GALNT13: variants seen among roughly 807,000 people sequenced by gnomAD.
The protein encoded by GALNT13 is UDP-GalNAc:polypeptide N-acetylgalactosaminyltransferase 13.
GALNT13 carries 28 observed loss-of-function variants against 64.2 expected under a neutral mutation model. That is an observed-to-expected ratio of 0.44 (90% CI 0.32 to 0.60). The LOEUF (loss-of-function observed/expected upper bound fraction) is 0.60, where lower values mean the gene tolerates loss of function less well. GALNT13 is among the 20% of genes least tolerant of loss of function. The probability of loss-of-function intolerance (pLI) is 0.05; values close to 1 mark genes in which losing one functional copy is unlikely to be tolerated. For synonymous variants in GALNT13, 214 were observed against 224.6 expected, an observed-to-expected ratio of 0.95 and a Z score of 0.42; for missense variants, 577 against 669.8, an observed-to-expected ratio of 0.86 and a Z score of 1.53.
chr2:154,044,249 GAAGT>G (rs1319906569), intron 3 of GALNT13, among the ~76,000 whole-genome samples: 1 of 152,106 alleles, frequency 6.6e-6, no homozygotes, highest in Non-Finnish European at 1.5e-5. Flanking sequence ...CCAAGCCATA[GAAGT>G]AAGAACTAAT....
intron 4 of GALNT13, among the ~76,000 whole-genome samples, chr2:154,219,273 G>A (rs751618540): frequency 3.0e-4 from 46 of 152,090 alleles, no homozygotes; most frequent in Middle Eastern, 6.8e-3. Context: ...TTCTTATGAG[G>A]TAGGTGTTAT....
chr2:153,512,761 A>G, the GALNT13 span, among the ~76,000 whole-genome samples: 1 of 151,184 alleles, frequency 6.6e-6, no homozygotes, highest in Non-Finnish European at 1.5e-5. Context: ...TTGAGGGGTA[A>G]AAAAGATTAT....
the GALNT13 span, among the ~76,000 whole-genome samples, chr2:153,864,459 CTGTT>C: frequency 4.7e-3 from 717 of 152,232 alleles, 4 homozygotes; most frequent in African/African-American, 0.015. Context: ...ATTTGGCTCT[CTGTT>C]TGTGTGTTGT....
the GALNT13 span, among the ~76,000 whole-genome samples, chr2:153,785,419 T>C: frequency 6.6e-5 from 10 of 152,306 alleles, no homozygotes; most frequent in East Asian, 1.5e-3. Flanking sequence ...TCACTGTTGA[T>C]ATAGCCTTTA....
chr2:153,654,476 G>A, the GALNT13 span, among the ~76,000 whole-genome samples: 422 of 152,084 alleles, frequency 2.8e-3, 1 homozygote, highest in South Asian at 8.5e-3. Context: ...ATTTGTGGGT[G>A]AAGTATTTAT....
the GALNT13 span, among the ~76,000 whole-genome samples, chr2:153,108,706 T>TAAAAGAAGTTGTAGTATC: frequency 6.6e-6 from 1 of 152,194 alleles, no homozygotes; most frequent in South Asian, 2.1e-4. Flanking sequence ...TCCCAAATGT[T>TAAAAGAAGTTGTAGTATC]AAAAGAAGTT....
At chr2:153,760,926 G>A in the GALNT13 span, among the ~76,000 whole-genome samples, 1 of 152,068 alleles carries the variant, frequency 6.6e-6, no homozygotes, top group Admixed American at 6.5e-5. Flanking sequence ...GGTGTATTAT[G>A]TATTTACACT....
At chr2:153,437,333 C>A in the GALNT13 span, among the ~76,000 whole-genome samples, 2 of 152,118 alleles carry the variant, frequency 1.3e-5, no homozygotes, top group African/African-American at 4.8e-5. Context: ...CTGTAGATGT[C>A]TATTGGGTCC....
At chr2:153,080,910 C>A in the GALNT13 span, among the ~76,000 whole-genome samples, 1 of 151,546 alleles carries the variant, frequency 6.6e-6, no homozygotes, top group Non-Finnish European at 1.5e-5. Flanking sequence ...TGAATTCTTC[C>A]TTTTCAAATA....
chr2:153,665,364 T>C, the GALNT13 span, among the ~76,000 whole-genome samples: 1 of 152,100 alleles, frequency 6.6e-6, no homozygotes, highest in South Asian at 2.1e-4. Context: ...AAAGAGAAAG[T>C]AGAATGGGTA....
the GALNT13 span, among the ~76,000 whole-genome samples, chr2:153,341,766 T>G: frequency 1.3e-5 from 2 of 152,120 alleles, no homozygotes; most frequent in African/African-American, 4.8e-5. Context: ...AGGTAAAAAA[T>G]ATAATTGTTA....
the GALNT13 span, among the ~76,000 whole-genome samples, chr2:153,616,418 T>C: frequency 2.0e-5 from 3 of 152,050 alleles, no homozygotes; most frequent in South Asian, 2.1e-4. Flanking sequence ...CTGTGTCTTA[T>C]GTGGTTCCAT....
the GALNT13 span, among the ~76,000 whole-genome samples, chr2:153,554,160 CA>C: frequency 0.18 from 21,092 of 115,090 alleles, 1,515 homozygotes; most frequent in South Asian, 0.28. Flanking sequence ...ACTAAAAATA[CA>C]AAAAAAAAAA....
the GALNT13 span, among the ~76,000 whole-genome samples, chr2:153,713,401 A>T: frequency 1.3e-4 from 19 of 151,980 alleles, no homozygotes; most frequent in African/African-American, 4.6e-4. Flanking sequence ...CTTCCTCCTC[A>T]CTGATGTCTC....
chr2:153,945,534 C>T (rs1691669201), intron 3 of GALNT13, among the ~76,000 whole-genome samples: 1 of 151,936 alleles, frequency 6.6e-6, no homozygotes, highest in Non-Finnish European at 1.5e-5. Flanking sequence ...CATGTTTGTA[C>T]CTTTTGGAAA....
chr2:153,440,523 C>T, the GALNT13 span, among the ~76,000 whole-genome samples: 25 of 152,254 alleles, frequency 1.6e-4, no homozygotes, highest in African/African-American at 5.3e-4. Context: ...GAGGAATCAC[C>T]ACACTGTTTT....
rs992770793 is a variant in GALNT13, at chr2:154,133,691, A to C, written c.143-6646A>C. On this transcript the variant is annotated intron_variant, in intron 3 of 12. Transcript: ENST00000392825. ...CTACAAATTGCCTTCTACTTTAAAA[A>C]AATTATTCACTGATTGAATGCACAG... 2.6e-5 allele frequency among the ~76,000 whole-genome samples: 4 copies of C among 151,186 alleles called. No homozygotes were observed. In the East Asian group the frequency reaches 7.8e-4, roughly 30 times the overall value.
chr2:153,435,838 G>T, the GALNT13 span, among the ~76,000 whole-genome samples: 2 of 151,854 alleles, frequency 1.3e-5, no homozygotes, highest in African/African-American at 4.8e-5. Context: ...CTGCCTGATT[G>T]CCCTGGCCAG....
At chr2:153,196,128 A>C in the GALNT13 span, among the ~76,000 whole-genome samples, 1 of 152,100 alleles carries the variant, frequency 6.6e-6, no homozygotes, top group Non-Finnish European at 1.5e-5. Flanking sequence ...ACAAGTTCCC[A>C]CTCCGGTTCC....
Sources: gnomAD v4.1 joint callset for allele counts (sites outside exome capture counted in the v4.1 genomes callset) on GRCh38, gnomAD v4.1.1 for gene constraint, MANE v1.5 for transcripts, NCBI Gene and HGNC (gene_info 2026-07-23, HGNC 2026-07-21) for gene names.